The following GSE1 variants were observed in gnomAD, a reference collection of about 807,000 sequenced individuals.
GSE1 encodes the protein genetic suppressor element 1.
GSE1 carries 32 observed loss-of-function variants against 112.6 expected under a neutral mutation model. The observed-to-expected ratio is 0.28, with a 90% CI of 0.21 to 0.38. The LOEUF is 0.38. Ranked by LOEUF, GSE1 falls within the 10% of genes least tolerant of loss-of-function variation. The pLI, the probability that GSE1 is intolerant of heterozygous loss-of-function variation, is 1.00. For synonymous variants in GSE1, 1,115 were observed against 735.6 expected (o/e 1.52, Z -8.35); for missense variants, 2,348 against 1,699.2 (o/e 1.38, Z -6.71).
chr16:85,369,782 G>T (rs570841282), intron 2 of GSE1, among the ~76,000 whole-genome samples: 6 of 152,226 alleles, frequency 3.9e-5, no homozygotes, highest in Non-Finnish European at 8.8e-5. Context: ...AGCCTGAGGG[G>T]CGTGGTGTCC....
At position 85,387,320 on chromosome 16, in the gene GSE1, C is replaced by T. The variant is rs78756834; in HGVS notation, c.2464+29677C>T. ...TTGCCATTTGCCACAGGCTGTGGAA[C>T]GCTGGGAGTGCTGCGAGGTCTGGCC... On this transcript the variant is annotated intron_variant, in intron 2 of 2. Coordinates refer to the GSE1 transcript ENST00000637419. Among the ~76,000 whole-genome samples, 929 of 152,304 alleles carry T rather than the reference C, an allele frequency of 6.1e-3. 34 individuals are homozygous for T. The East Asian group carries it at 0.1, about 17-fold the overall frequency.
At chr16:85,382,963 A>G (rs2047588748) in intron 2 of GSE1, among the ~76,000 whole-genome samples, 1 of 149,116 alleles carries the variant, frequency 6.7e-6, no homozygotes, top group African/African-American at 2.6e-5. Flanking sequence ...ACACGTGCAC[A>G]CACATGCACG....
chr16:85,287,808 G>C (rs918083820), intron 1 of GSE1, among the ~76,000 whole-genome samples: 1 of 152,122 alleles, frequency 6.6e-6, no homozygotes, highest in Non-Finnish European at 1.5e-5. Flanking sequence ...CCTCACCCCT[G>C]CTGAAGCCTA....
rs1447370204 is a variant in GSE1, at chr16:85,331,699, ATATATATAT to A, written c.2284-25762_2284-25754del. Among the ~76,000 whole-genome samples, 49 of 59,332 alleles carry A rather than the reference ATATATATAT, an allele frequency of 8.3e-4. 2 individuals carry two copies. Among genetic ancestry groups the A allele is most frequent in the South Asian group, 1.4e-3 (2 of 1,462 alleles). The allele number at this position is 59,332 out of a possible 152,430, so 38.9% of individuals were successfully genotyped here. A position where few individuals can be genotyped will look rare whatever the true frequency, so the allele number is the denominator to read the frequency against. Reference sequence around the variant, plus strand: ...TGTGTGTGTGTGTATATATATATATATATATATATTTTTTTTTTTTTTTTTTTTAGTTAA... The same window carrying A: ...TGTGTGTGTGTGTATATATATATATATTTTTTTTTTTTTTTTTTTAGTTAA... On this transcript the variant is annotated intron_variant, in intron 1 of 2. Transcript: ENST00000637419.
chr16:85,227,766 C>G (rs1294988247), intron 1 of GSE1, among the ~76,000 whole-genome samples: 1 of 152,208 alleles, frequency 6.6e-6, no homozygotes, highest in African/African-American at 2.4e-5. Flanking sequence ...GCGCTGGGCC[C>G]TGGGAGATGG....
At chr16:85,476,222 G>A (rs1010880277) in intron 2 of GSE1, among the ~76,000 whole-genome samples, 6 of 152,148 alleles carry the variant, frequency 3.9e-5, no homozygotes, top group Non-Finnish European at 7.3e-5. Context: ...GTCAGCCACC[G>A]TGCCTCACCT....
intron 2 of GSE1, among the ~76,000 whole-genome samples, chr16:85,391,545 A>G (rs2047838762): frequency 6.6e-6 from 1 of 152,220 alleles, no homozygotes; most frequent in South Asian, 2.1e-4. Context: ...TTGCGGCAGC[A>G]TCACTCCAGT....
At chr16:85,312,684 G>A (rs1427223443) in intron 1 of GSE1, among the ~76,000 whole-genome samples, 1 of 152,010 alleles carries the variant, frequency 6.6e-6, no homozygotes, top group Non-Finnish European at 1.5e-5. Context: ...TACAGAAGAA[G>A]CAGGGAGGGG....
rs141867025 is a variant in GSE1 at position 85,205,164 on chromosome 16, C to G, written c.2283+33357C>G. ...TATTTTTTTGAGACAGAGTCTCGCT[C>G]TGTCACCCAGGCTGGAGTACAGTGG... On this transcript the variant is annotated intron_variant, in intron 1 of 2. Transcript: ENST00000637419. Among the ~76,000 whole-genome samples the G allele has an allele frequency of 3.5e-4, 54 of 152,290 alleles. 1 individual carries two copies. In the East Asian group the frequency reaches 0.01, roughly 29 times the overall value.
intron 2 of GSE1, among the ~76,000 whole-genome samples, chr16:85,646,918 G>A (rs1436502363): frequency 3.3e-5 from 5 of 152,182 alleles, no homozygotes; most frequent in African/African-American, 1.2e-4. Flanking sequence ...CTCCGGAAGC[G>A]AGGCTGGTGC....
At chr16:85,631,666 C>T (rs1392444125) in intron 1 of GSE1, among the ~76,000 whole-genome samples, 1 of 152,264 alleles carries the variant, frequency 6.6e-6, no homozygotes, top group Non-Finnish European at 1.5e-5. Context: ...TGGGGTGCCC[C>T]ACAGGCTCTG....
rs555089856 is a variant in GSE1 at position 85,449,272 on chromosome 16, C to T, written c.2464+91629C>T. Among the ~76,000 whole-genome samples, 281 of 152,344 alleles carry T rather than the reference C, an allele frequency of 1.8e-3. 1 individual carries two copies. Among genetic ancestry groups the T allele is most frequent in the Non-Finnish European group, 2.0e-3 (139 of 68,022 alleles). ...CACCACATCTGAGCCATTCAAGAGG[C>T]GCCAGGCAGCTGTTCCTGGCCTAAC... is the stretch of plus-strand genomic sequence containing the variant. On this transcript the variant is annotated intron_variant, in intron 2 of 2. Coordinates refer to the GSE1 transcript ENST00000637419.
chr16:85,352,329 TTAAC>T (rs903510611), intron 1 of GSE1, among the ~76,000 whole-genome samples: 2 of 152,290 alleles, frequency 1.3e-5, no homozygotes, highest in African/African-American at 4.8e-5. Context: ...TCCTTCCCCA[TTAAC>T]TAACTAAAGC....
At chr16:85,613,044 C>G (rs1363333322), upstream of GSE1, 3 of 379,876 alleles carry the variant, frequency 7.9e-6, no homozygotes, top group African/African-American at 6.5e-5. Context: ...CTCACCTGGC[C>G]GGCCGGGCCG....
chr16:85,188,006 A>G lies in GSE1; in HGVS notation c.2283+16199A>G, dbSNP rs1316539073. On this transcript the variant is annotated intron_variant, in intron 1 of 2. Coordinates refer to the GSE1 transcript ENST00000637419. Reference sequence around the variant, plus strand: ...GGACCCCTGCTCCCAGACTCCTGGCACGTCTCCCATGGGCCTTGGTACCAC... The same window carrying G: ...GGACCCCTGCTCCCAGACTCCTGGCGCGTCTCCCATGGGCCTTGGTACCAC... 2.6e-5 allele frequency among the ~76,000 whole-genome samples: 4 copies of G among 152,248 alleles called. No homozygotes were observed. In the East Asian group the frequency reaches 7.7e-4, roughly 29 times the overall value.
At chr16:85,499,911 A>G (rs1420879549) in intron 2 of GSE1, among the ~76,000 whole-genome samples, 1 of 152,222 alleles carries the variant, frequency 6.6e-6, no homozygotes, top group Non-Finnish European at 1.5e-5. Context: ...AAAAAGGCAA[A>G]AGTGGAAGCA....
rs904905044 is a variant in GSE1 at position 85,269,376 on chromosome 16, C to T, written c.2284-88087C>T. Among the ~76,000 whole-genome samples the T allele has an allele frequency of 1.1e-4, 16 of 149,406 alleles. 1 individual carries two copies. The highest frequency in any genetic ancestry group is 3.4e-4 in the African/African-American group (14 of 41,286). ...GCGTAATTGACTTGTAACATACAGACCGTGGCAGGCTGTCATCTGCGTCAG... is the reference window on the plus strand; with the variant it reads ...GCGTAATTGACTTGTAACATACAGATCGTGGCAGGCTGTCATCTGCGTCAG... On this transcript the variant is annotated intron_variant, in intron 1 of 2. Transcript: ENST00000637419.
intron 1 of GSE1, among the ~76,000 whole-genome samples, chr16:85,275,780 C>T (rs758806565): frequency 3.5e-4 from 53 of 152,182 alleles, no homozygotes; most frequent in Non-Finnish European, 2.8e-4. Context: ...GGCGCTGAGC[C>T]CCATGTCCCC....
chr16:85,634,769 A>G (rs1598474655), intron 2 of GSE1, among the ~76,000 whole-genome samples: 1 of 152,182 alleles, frequency 6.6e-6, no homozygotes, highest in East Asian at 1.9e-4. Context: ...CTGTCTGTGC[A>G]GTGAGGCTCT....
Sources: allele counts gnomAD v4.1 joint callset (sites outside exome capture counted in the v4.1 genomes callset), GRCh38; gene constraint gnomAD v4.1.1; transcripts MANE v1.5; gene names NCBI Gene and HGNC (gene_info 2026-07-23, HGNC 2026-07-21).